The following PLXNA4 variants were observed in gnomAD, a reference collection of about 807,000 sequenced individuals.
PLXNA4 encodes plexin-A4.
PLXNA4 carries 44 observed loss-of-function variants against 191.8 expected under a neutral mutation model. The ratio of observed to expected loss-of-function variants is 0.23; its 90% CI spans 0.18 to 0.29. The LOEUF (loss-of-function observed/expected upper bound fraction) is 0.29, where lower values mean the gene tolerates loss of function less well. Among genes scored for constraint, PLXNA4 ranks in the 10% least tolerant of loss-of-function variants. The pLI, the probability that PLXNA4 is intolerant of heterozygous loss-of-function variation, is 1.00. For missense variants in PLXNA4, 1,800 were observed against 2,488.8 expected, an observed-to-expected ratio of 0.72 and a Z score of 5.89; for synonymous variants, 1,082 against 1,009.5, an observed-to-expected ratio of 1.07 and a Z score of -1.36.
intron 2 of PLXNA4, among the ~76,000 whole-genome samples, chr7:132,592,746 G>A (rs1802623772): frequency 6.6e-6 from 1 of 151,398 alleles, no homozygotes. Flanking sequence ...AATGCTAATG[G>A]AATTACACAT....
intron 25 of PLXNA4, among the ~76,000 whole-genome samples, chr7:132,158,609 C>T (rs1795861595): frequency 6.6e-6 from 1 of 152,212 alleles, no homozygotes; most frequent in South Asian, 2.1e-4. Flanking sequence ...ATTCTTACTA[C>T]AAGGCAGGCA....
At chr7:132,242,149 G>GTTTT (rs139529609) in intron 4 of PLXNA4, among the ~76,000 whole-genome samples, 1 of 147,422 alleles carries the variant, frequency 6.8e-6, no homozygotes, top group Non-Finnish European at 1.5e-5. Context: ...TTTACAAAAA[G>GTTTT]TATTTTTTTT....
intron 3 of PLXNA4, among the ~76,000 whole-genome samples, chr7:132,381,479 T>G (rs1347133159): frequency 6.6e-6 from 1 of 152,234 alleles, no homozygotes; most frequent in East Asian, 1.9e-4. Context: ...TTAATATACT[T>G]AAGTGTGTAG....
At chr7:132,300,685 G>C (rs749766235) in intron 3 of PLXNA4, among the ~76,000 whole-genome samples, 8 of 152,216 alleles carry the variant, frequency 5.3e-5, no homozygotes, top group Non-Finnish European at 1.0e-4. Context: ...ACCCAAGTCT[G>C]ACCGTGCAAT....
intron 1 of PLXNA4, among the ~76,000 whole-genome samples, chr7:132,540,604 G>A (rs1303777686): frequency 3.7e-5 from 2 of 54,074 alleles, no homozygotes; most frequent in African/African-American, 1.1e-4. Flanking sequence ...TTTTTGAGAC[G>A]GAGTCTTGCT....
intron 3 of PLXNA4, among the ~76,000 whole-genome samples, chr7:132,420,947 C>T (rs1794828804): frequency 6.6e-6 from 1 of 152,172 alleles, no homozygotes. Flanking sequence ...ACTGTAAGTC[C>T]AATAAACCTC....
At chr7:132,629,482 C>G (rs927215535) in intron 2 of PLXNA4, among the ~76,000 whole-genome samples, 4 of 152,192 alleles carry the variant, frequency 2.6e-5, no homozygotes, top group African/African-American at 9.7e-5. Flanking sequence ...TCTCCTGAAC[C>G]ATTACCTCTG....
chr7:132,160,926 G>GAA (rs201397549), intron 24 of PLXNA4, among the ~76,000 whole-genome samples: 1 of 92,518 alleles, frequency 1.1e-5, no homozygotes, highest in South Asian at 3.2e-4. Flanking sequence ...AGAAGGGGAA[G>GAA]AAAAAAAAAC....
At chr7:132,468,372 G>T (rs577986369) in intron 3 of PLXNA4, among the ~76,000 whole-genome samples, 2 of 152,030 alleles carry the variant, frequency 1.3e-5, no homozygotes, top group Non-Finnish European at 2.9e-5. Context: ...TACATATGCC[G>T]TATGTATTCT....
rs1025099667 is a variant in PLXNA4 at position 132,615,842 on chromosome 7, AC to A, written c.-87+30085del. Among the ~76,000 whole-genome samples, 10 of 140,354 alleles carry A rather than the reference AC, an allele frequency of 7.1e-5. 1 individual carries two copies. Among genetic ancestry groups the A allele is most frequent in the African/African-American group, 2.7e-4 (10 of 37,612 alleles). 92.1% of individuals were successfully genotyped at this position (140,354 alleles called of 152,430 possible). A position where few individuals can be genotyped will look rare whatever the true frequency, so the allele number is the denominator to read the frequency against. ...ATGCATTCATTCGCTCCTTCTCCCC[AC>A]CGCTATCCCTCCCTCTCCCCTCTCC... is the stretch of plus-strand genomic sequence containing the variant. On this transcript the variant is annotated intron_variant, in intron 2 of 4. Coordinates refer to the PLXNA4 transcript ENST00000378539.
intron 4 of PLXNA4, among the ~76,000 whole-genome samples, chr7:132,241,489 T>G (rs1798876492): frequency 1.3e-5 from 2 of 152,188 alleles, no homozygotes; most frequent in Admixed American, 6.5e-5. Context: ...CCACCAAATA[T>G]CTCTACAAAT....
At chr7:132,238,011 T>C (rs1359106046) in intron 5 of PLXNA4, among the ~76,000 whole-genome samples, 1 of 152,150 alleles carries the variant, frequency 6.6e-6, no homozygotes, top group Non-Finnish European at 1.5e-5. Flanking sequence ...TCATGCCACA[T>C]TTTTCTCATT....
intron 21 of PLXNA4, among the ~76,000 whole-genome samples, chr7:132,172,490 G>T (rs1048946117): frequency 6.6e-6 from 1 of 152,144 alleles, no homozygotes; most frequent in Non-Finnish European, 1.5e-5. Flanking sequence ...GTGGCTGAAA[G>T]GGCTGGGAAA....
chr7:132,148,334 C>A (rs972675188), intron 26 of PLXNA4, among the ~76,000 whole-genome samples: 1 of 152,190 alleles, frequency 6.6e-6, no homozygotes, highest in Admixed American at 6.5e-5. Flanking sequence ...CCATGCCCTG[C>A]AGAAAGTGTG....
Position 132,194,155 on chromosome 7 carries a change from G to C in PLXNA4, c.2763C>G (p.Ala921=). 6.2e-7 allele frequency: 1 copy of C among 1,613,800 alleles called. No homozygotes were observed. Among genetic ancestry groups the C allele is most frequent in the Non-Finnish European group, 8.5e-7 (1 of 1,179,788 alleles). ...CGAAGCCTGCATGCTGGCTGGGCTT[G>C]GCCTCCCCCATCTCACACACGATCC... is the stretch of plus-strand genomic sequence containing the variant. ...AEQIVCEMGE[A]KPSQHAGFVE... is the part of the protein sequence containing the mutation. The change falls in exon 14 of 32, where the codon GCC becomes GCG. Residue 921 remains alanine, a synonymous_variant. Coordinates refer to ENST00000321063, the MANE Select transcript of PLXNA4 (RefSeq NM_020911.2).
At chr7:132,457,072 A>T (rs1796340718) in intron 3 of PLXNA4, among the ~76,000 whole-genome samples, 1 of 152,216 alleles carries the variant, frequency 6.6e-6, no homozygotes, top group Non-Finnish European at 1.5e-5. Flanking sequence ...ATTTTAAAAC[A>T]ATTTTAGATT....
Position 132,396,992 on chromosome 7 carries a change from C to G in PLXNA4, c.1371+92300G>C, listed in dbSNP as rs114757135. 2.4e-3 allele frequency among the ~76,000 whole-genome samples: 373 copies of G among 152,352 alleles called. 1 individual carries two copies. The highest frequency in any genetic ancestry group is 8.3e-3 in the African/African-American group (345 of 41,590). Reference sequence around the variant, plus strand: ...GCCTAGGGAAATCCTGCCCCAAGATCCAGACCCAGACACCTGCCACTCTGA... The same window carrying G: ...GCCTAGGGAAATCCTGCCCCAAGATGCAGACCCAGACACCTGCCACTCTGA... On this transcript the variant is annotated intron_variant, in intron 3 of 31. Transcript: ENST00000321063.
chr7:132,188,210 C>T (rs554120866), intron 14 of PLXNA4, among the ~76,000 whole-genome samples: 4 of 152,284 alleles, frequency 2.6e-5, no homozygotes, highest in South Asian at 2.1e-4. Flanking sequence ...AGAAAAGAGT[C>T]AGTTGCTTTC....
intron 3 of PLXNA4, among the ~76,000 whole-genome samples, chr7:132,341,758 G>C (rs2116748880): frequency 6.6e-6 from 1 of 152,266 alleles, no homozygotes; most frequent in Admixed American, 6.5e-5. Context: ...TTAGGGTTGA[G>C]TTCTTTCTCT....
Sources: gnomAD v4.1 joint callset for allele counts (sites outside exome capture counted in the v4.1 genomes callset) on GRCh38, gnomAD v4.1.1 for gene constraint, MANE v1.5 for transcripts, NCBI Gene and HGNC (gene_info 2026-07-23, HGNC 2026-07-21) for gene names.